The following PDE11A variants were observed in gnomAD, a reference collection of about 807,000 sequenced individuals.
The protein encoded by PDE11A is phosphodiesterase 11A, also known as dual 3',5'-cyclic-AMP and -GMP phosphodiesterase 11A.
In PDE11A, 100 loss-of-function variants were observed where a neutral mutation model predicts 100.5. The observed-to-expected ratio is 1.00, with a 90% confidence interval of 0.85 to 1.18. The LOEUF (loss-of-function observed/expected upper bound fraction) is 1.18, where lower values mean the gene tolerates loss of function less well. Ranked by LOEUF, PDE11A falls within the 50% of genes most tolerant of loss-of-function variation. The pLI is 0.00. For missense variants in PDE11A, 1,141 were observed against 1,152.6 expected, an observed-to-expected ratio of 0.99 and a Z score of 0.15; for synonymous variants, 381 against 420.8, an observed-to-expected ratio of 0.91 and a Z score of 1.16.
At chr2:177,769,821 G>A (rs570320172) in intron 9 of PDE11A, among the ~76,000 whole-genome samples, 5 of 149,584 alleles carry the variant, frequency 3.3e-5, no homozygotes, top group East Asian at 2.0e-4. Flanking sequence ...CCAGGAGGTC[G>A]AGGCTGCAGT....
intron 2 of PDE11A, among the ~76,000 whole-genome samples, chr2:178,093,864 A>G (rs1243611089): frequency 6.6e-6 from 1 of 152,200 alleles, no homozygotes; most frequent in African/African-American, 2.4e-5. Context: ...GAAGCACTCT[A>G]ACTTATAAGG....
intron 15 of PDE11A, among the ~76,000 whole-genome samples, chr2:177,694,280 C>G (rs1169933395): frequency 6.6e-6 from 1 of 151,890 alleles, no homozygotes; most frequent in Non-Finnish European, 1.5e-5. Flanking sequence ...TTTTTTTTCT[C>G]TCTTTAGAAG....
intron 1 of PDE11A, chr2:178,104,616 A>T: frequency 2.9e-6 from 2 of 681,200 alleles, no homozygotes. Flanking sequence ...TAAAGCATGC[A>T]AGCTTTAATG....
chr2:177,631,528 TATATATATATATATATATACAC>T (rs1245814036), intron 19 of PDE11A, among the ~76,000 whole-genome samples: 1,669 of 21,726 alleles, frequency 0.077, 262 homozygotes, highest in South Asian at 0.25. Flanking sequence ...TATATATATA[TATATATATATATATATATACAC>T]ATGTATATAT....
intron 12 of PDE11A, among the ~76,000 whole-genome samples, chr2:177,716,102 T>C (rs527592823): frequency 3.3e-5 from 5 of 152,362 alleles, no homozygotes; most frequent in Admixed American, 2.6e-4. Flanking sequence ...TGTGAGGATG[T>C]AGGCTTTCAC....
At chr2:177,791,931 G>A (rs2082638804) in intron 9 of PDE11A, among the ~76,000 whole-genome samples, 2 of 152,050 alleles carry the variant, frequency 1.3e-5, no homozygotes, top group South Asian at 2.1e-4. Flanking sequence ...TTTGGAAAAC[G>A]TTGCATGTGA....
chr2:177,724,231 G>A (rs1451655556), intron 12 of PDE11A, among the ~76,000 whole-genome samples: 1 of 151,788 alleles, frequency 6.6e-6, no homozygotes, highest in African/African-American at 2.4e-5. Context: ...CAGACCAGAG[G>A]CATGGAACAA....
intron 5 of PDE11A, among the ~76,000 whole-genome samples, chr2:177,860,306 A>C (rs1283801780): frequency 6.6e-6 from 1 of 151,822 alleles, no homozygotes; most frequent in African/African-American, 2.4e-5. Flanking sequence ...AAATAAGATT[A>C]TAAAGGAATA....
chr2:177,665,614 T>C (rs1435919667), intron 18 of PDE11A, among the ~76,000 whole-genome samples: 2 of 151,844 alleles, frequency 1.3e-5, no homozygotes, highest in East Asian at 3.9e-4. Flanking sequence ...CCAGCACTTT[T>C]TGAAGCCAAG....
At chr2:177,701,275 G>T in intron 13 of PDE11A, 64 bp from the exon 14 acceptor site, 1 of 820,456 alleles carries the variant, frequency 1.2e-6, no homozygotes, top group Non-Finnish European at 2.2e-6. Context: ...CAGCTTTTTG[G>T]ATCAAACTGC....
intron 16 of PDE11A, among the ~76,000 whole-genome samples, chr2:177,679,701 G>A (rs980971571): frequency 6.6e-6 from 1 of 152,164 alleles, no homozygotes; most frequent in Non-Finnish European, 1.5e-5. Context: ...TGGAGAAAAG[G>A]CAGCCTGTAG....
At chr2:177,680,948 A>G in intron 15 of PDE11A, 45 bp from the exon 16 acceptor site, 2 of 1,081,900 alleles carry the variant, frequency 1.8e-6, no homozygotes, top group Non-Finnish European at 2.8e-6. Flanking sequence ...AAAAACTGGA[A>G]TGAGATTTCC....
At chr2:178,056,083 T>C (rs2086896407) in intron 1 of PDE11A, among the ~76,000 whole-genome samples, 1 of 152,198 alleles carries the variant, frequency 6.6e-6, no homozygotes, top group Middle Eastern at 3.2e-3. Context: ...TGAGTTTCCC[T>C]TCGACGACTT....
chr2:178,009,932 C>T (rs1433421710), intron 2 of PDE11A, among the ~76,000 whole-genome samples: 1 of 152,098 alleles, frequency 6.6e-6, no homozygotes, highest in East Asian at 1.9e-4. Flanking sequence ...TGCTAATGTG[C>T]AACAAATTCA....
chr2:177,832,707 A>C (rs2083156), intron 6 of PDE11A, among the ~76,000 whole-genome samples: 31,510 of 151,884 alleles, frequency 0.21, 3,349 homozygotes, highest in Middle Eastern at 0.26. Flanking sequence ...GACAAAATGG[A>C]AGAGTTTAAC....
At chr2:177,713,688 C>T (rs2081389560) in intron 12 of PDE11A, among the ~76,000 whole-genome samples, 1 of 152,074 alleles carries the variant, frequency 6.6e-6, no homozygotes, top group African/African-American at 2.4e-5. Context: ...GGCACCACTG[C>T]ACTCCAGTCT....
chr2:178,028,225 C>T lies in PDE11A; in HGVS notation c.913-13765G>A, dbSNP rs974695335. Among the ~76,000 whole-genome samples the T allele has an allele frequency of 6.0e-5, 9 of 149,668 alleles. No individual in the cohort carries two copies. The Admixed American group carries it at 6.1e-4, about 10-fold the overall frequency. On this transcript the variant is annotated intron_variant, in intron 1 of 19. Transcript: ENST00000286063. ...TCTTTATTTCCTTGGTGTTCACCCT[C>T]GCTTCAGCTACAAATAAGCAAAGTG...
chr2:177,678,050 C>T (rs1218875955), intron 16 of PDE11A: 2 of 152,132 alleles, frequency 1.3e-5, no homozygotes, highest in Non-Finnish European at 2.9e-5. Flanking sequence ...ACTTGCCTAA[C>T]AAAAATATGA....
intron 2 of PDE11A, among the ~76,000 whole-genome samples, chr2:178,093,197 T>A (rs547375068): frequency 6.6e-6 from 1 of 152,340 alleles, no homozygotes; most frequent in South Asian, 2.1e-4. Context: ...TAGGGTCTTC[T>A]ATGGTAAACC....
Sources: gnomAD v4.1 joint callset for allele counts (sites outside exome capture counted in the v4.1 genomes callset) on GRCh38, gnomAD v4.1.1 for gene constraint, MANE v1.5 for transcripts, NCBI Gene and HGNC (gene_info 2026-07-23, HGNC 2026-07-21) for gene names.